Variants in ATG7 observed in about 807,000 individuals in gnomAD.
ATG7 encodes the protein ubiquitin-like modifier-activating enzyme ATG7.
In ATG7, 70 loss-of-function variants were observed where a neutral mutation model predicts 82.4. That is an observed-to-expected ratio of 0.85 (90% CI 0.70 to 1.04). The LOEUF is 1.04. Among genes scored for constraint, ATG7 ranks in the 50% least tolerant of loss-of-function variants. The pLI, the probability that ATG7 is intolerant of heterozygous loss-of-function variation, is 0.00. For synonymous variants in ATG7, 287 were observed against 313.0 expected, an observed-to-expected ratio of 0.92 and a Z score of 0.88; for missense variants, 792 against 864.3, an observed-to-expected ratio of 0.92 and a Z score of 1.05.
rs182299661 is a variant in ATG7, at chr3:11,344,728, G to T, written c.1125+2449G>T. On this transcript the variant is annotated intron_variant, in intron 13 of 20. Transcript: ENST00000693202. ...CAAAAAAAATATAAAAATTAGCCAG[G>T]CTGTAGTGGCGCGTGCCTGTAGTTG... is the stretch of plus-strand genomic sequence containing the variant. 8.9e-4 allele frequency among the ~76,000 whole-genome samples: 136 copies of T among 152,190 alleles called. 1 individual carries two copies. Among genetic ancestry groups the T allele is most frequent in the Admixed American group, 6.1e-3 (93 of 15,280 alleles).
chr3:11,412,139 C>T (rs2080965121), intron 19 of ATG7, among the ~76,000 whole-genome samples: 1 of 151,910 alleles, frequency 6.6e-6, no homozygotes, highest in African/African-American at 2.4e-5. Flanking sequence ...ATCTCCCTGA[C>T]TGACTAAAAC....
At chr3:11,501,290 T>C (rs1456973686) in intron 20 of ATG7, among the ~76,000 whole-genome samples, 1 of 152,124 alleles carries the variant, frequency 6.6e-6, no homozygotes, top group Non-Finnish European at 1.5e-5. Context: ...GTATCATGCT[T>C]AGGGAGTTAT....
chr3:11,527,051 G>A lies in ATG7; in HGVS notation c.2080-27760G>A, dbSNP rs964199089. ...TGTGTGTGTGTATATATGTGTGTGT[G>A]TGTGTGTGTGTGTGTGTGTGTATAT... On this transcript the variant is annotated intron_variant, in intron 20 of 20. Transcript: ENST00000693202. Among the ~76,000 whole-genome samples the A allele has an allele frequency of 6.7e-4, 64 of 95,118 alleles. 1 individual carries two copies. The South Asian group carries it at 0.016, about 24-fold the overall frequency. 62.4% of individuals were successfully genotyped at this position (95,118 alleles called of 152,430 possible).
rs563312642 is a variant in ATG7 at position 11,442,121 on chromosome 3, G to C, written c.2079+15195G>C. 1.1e-3 allele frequency among the ~76,000 whole-genome samples: 164 copies of C among 152,244 alleles called. 1 individual carries two copies. The highest frequency in any genetic ancestry group is 3.7e-3 in the African/African-American group (155 of 41,530). On this transcript the variant is annotated intron_variant, in intron 20 of 20. Transcript: ENST00000693202. ...CCCAGACTCTTCTCTTTCTTTCAACGGTAACCTGTGGAAATACAATGTTAT... is the reference window on the plus strand; with the variant it reads ...CCCAGACTCTTCTCTTTCTTTCAACCGTAACCTGTGGAAATACAATGTTAT...
At chr3:11,492,021 C>T (rs143152453) in intron 20 of ATG7, among the ~76,000 whole-genome samples, 2 of 152,184 alleles carry the variant, frequency 1.3e-5, no homozygotes, top group Admixed American at 6.5e-5. Flanking sequence ...CTTTGTTTAC[C>T]TAAGCAAGCC....
In ATG7 at chr3:11,546,162, A is replaced by ATTTTTT. The variant is rs36042370; in HGVS notation, c.2080-8627_2080-8622dup. Among the ~76,000 whole-genome samples the ATTTTTT allele has an allele frequency of 3.5e-3, 241 of 68,894 alleles. 19 individuals are homozygous for ATTTTTT. Among genetic ancestry groups the ATTTTTT allele is most frequent in the African/African-American group, 0.014 (235 of 17,076 alleles). 45.2% of individuals were successfully genotyped at this position (68,894 alleles called of 152,430 possible). A position where few individuals can be genotyped will look rare whatever the true frequency, so the allele number is the denominator to read the frequency against. ...AAAAGTAAAGAAATGCCAAAACTGG[A>ATTTTTT]TTTTTTTTTTTTTTTTTTTTTTTTT... On this transcript the variant is annotated intron_variant, in intron 20 of 20. Coordinates refer to ENST00000693202, the MANE Select transcript of ATG7 (RefSeq NM_001349232.2).
intron 20 of ATG7, among the ~76,000 whole-genome samples, chr3:11,527,071 G>GTATA (rs59492212): frequency 0.02 from 2,506 of 127,310 alleles, 42 homozygotes; most frequent in Non-Finnish European, 0.028. Flanking sequence ...GTGTGTGTGT[G>GTATA]TATATATATA....
intron 14 of ATG7, among the ~76,000 whole-genome samples, chr3:11,358,011 A>G (rs994162586): frequency 4.0e-5 from 6 of 149,728 alleles, no homozygotes; most frequent in African/African-American, 1.5e-4. Context: ...CTTGTCTCAA[A>G]AAAAAAAAAA....
At chr3:11,375,787 C>T (rs1266194687) in intron 18 of ATG7, among the ~76,000 whole-genome samples, 1 of 152,116 alleles carries the variant, frequency 6.6e-6, no homozygotes, top group Admixed American at 6.5e-5. Flanking sequence ...CTTGAATTCC[C>T]GACCTTGTGA....
chr3:11,525,509 GT>G (rs1226648825), intron 20 of ATG7, among the ~76,000 whole-genome samples: 1 of 81,782 alleles, frequency 1.2e-5, no homozygotes, highest in Non-Finnish European at 2.4e-5. Flanking sequence ...TCATTTGTTT[GT>G]TGATTAACAC....
At chr3:11,426,418 A>C (rs2082369463) in intron 19 of ATG7, among the ~76,000 whole-genome samples, 1 of 152,052 alleles carries the variant, frequency 6.6e-6, no homozygotes, top group Non-Finnish European at 1.5e-5. Flanking sequence ...CACTTTTTTG[A>C]CAAAATCCTT....
intron 19 of ATG7, among the ~76,000 whole-genome samples, chr3:11,409,942 T>G (rs6442252): frequency 6.6e-6 from 1 of 151,876 alleles, no homozygotes; most frequent in Admixed American, 6.5e-5. Flanking sequence ...TTTTTATTCT[T>G]TCACCAACCA....
chr3:11,366,197 C>T (rs531382552), intron 18 of ATG7, among the ~76,000 whole-genome samples: 1 of 135,480 alleles, frequency 7.4e-6, no homozygotes, highest in Admixed American at 8.1e-5. Context: ...GTGGCCTGGG[C>T]GACAGAGTGA....
chr3:11,540,299 C>T (rs2070710591), intron 20 of ATG7, among the ~76,000 whole-genome samples: 1 of 152,134 alleles, frequency 6.6e-6, no homozygotes, highest in Non-Finnish European at 1.5e-5. Flanking sequence ...CTGATGACAA[C>T]ATCTTTCCCG....
At chr3:11,456,843 G>A (rs1405992954) in intron 20 of ATG7, among the ~76,000 whole-genome samples, 1 of 152,164 alleles carries the variant, frequency 6.6e-6, no homozygotes, top group Admixed American at 6.5e-5. Context: ...TTCTGAAAGT[G>A]CTTGTCCTCT....
chr3:11,323,094 C>CA (rs942855793), intron 9 of ATG7, among the ~76,000 whole-genome samples: 15 of 147,962 alleles, frequency 1.0e-4, no homozygotes, highest in African/African-American at 2.2e-4. Context: ...ATGAAACTGT[C>CA]AAAAAAAAAA....
intron 20 of ATG7, among the ~76,000 whole-genome samples, chr3:11,475,695 G>A (rs1161816178): frequency 6.6e-6 from 1 of 152,164 alleles, no homozygotes. Context: ...TGTTAACTTA[G>A]CATGTCAGAA....
chr3:11,398,958 T>C, intron 19 of ATG7, among the ~76,000 whole-genome samples: 1 of 152,220 alleles, frequency 6.6e-6, no homozygotes, highest in Non-Finnish European at 1.5e-5. Context: ...GTAGAAATTA[T>C]TACAGAGAAG....
rs190388039 is a variant in ATG7 at position 11,503,215 on chromosome 3, T to C, written c.2080-51596T>C. 7.7e-4 allele frequency among the ~76,000 whole-genome samples: 118 copies of C among 152,274 alleles called. No homozygotes were observed. In the Middle Eastern group the frequency reaches 0.01, roughly 13 times the overall value. On this transcript the variant is annotated intron_variant, in intron 20 of 20. Transcript: ENST00000693202. ...CCCTATACTGAAGGCCATAGTGGACTTCAGACAGCTTCTGAGTACCTTCTC... is the reference window on the plus strand; with the variant it reads ...CCCTATACTGAAGGCCATAGTGGACCTCAGACAGCTTCTGAGTACCTTCTC...
Sources: gnomAD v4.1 joint callset for allele counts (sites outside exome capture counted in the v4.1 genomes callset) on GRCh38, gnomAD v4.1.1 for gene constraint, MANE v1.5 for transcripts, NCBI Gene and HGNC (gene_info 2026-07-23, HGNC 2026-07-21) for gene names.